GSK3A: variants seen among roughly 807,000 people sequenced by gnomAD.
The protein encoded by GSK3A is glycogen synthase kinase 3 alpha, also known as glycogen synthase kinase-3 alpha.
GSK3A carries 14 observed loss-of-function variants against 56.6 expected under a neutral mutation model. That is an observed-to-expected ratio of 0.25 (90% CI 0.16 to 0.39). GSK3A has a LOEUF of 0.39. GSK3A is among the 10% of genes least tolerant of loss of function. The pLI, the probability that GSK3A is intolerant of heterozygous loss-of-function variation, is 1.00. For synonymous variants in GSK3A, 301 were observed against 285.0 expected (o/e 1.06, Z -0.56); for missense variants, 450 against 656.0 (o/e 0.69, Z 3.43).
rs778206823 is a variant in GSK3A at position 42,236,593 on chromosome 19, C to A, written c.666+13G>T. 17 of 1,540,032 alleles carry A rather than the reference C, an allele frequency of 1.1e-5. No homozygotes were observed. The Admixed American group carries it at 2.8e-4, about 26-fold the overall frequency. On this transcript the variant is annotated intron_variant, in intron 4 of 10. Transcript: ENST00000222330. ...TGTGGGCCTGGGTCCCAGCAGCCCA[C>A]CTGCTGGCCTACCTTGACATAGAGG...
intron 7 of GSK3A, 24 bp downstream of exon 7, chr19:42,233,262 G>GGGCCCCCCC: frequency 1.9e-6 from 2 of 1,077,542 alleles, no homozygotes; most frequent in Non-Finnish European, 2.8e-6. Flanking sequence ...CCCACCCCCT[G>GGGCCCCCCC]CCCAGCCCAG....
intron 1 of GSK3A, chr19:42,240,402 C>G: frequency 1.7e-6 from 1 of 581,990 alleles, no homozygotes. Flanking sequence ...GGGTTGGCAA[C>G]CCCAAATTTC....
At chr19:42,238,136 G>C (rs971678290) in intron 2 of GSK3A, among the ~76,000 whole-genome samples, 54 of 152,096 alleles carry the variant, frequency 3.6e-4, no homozygotes, top group Non-Finnish European at 6.2e-4. Flanking sequence ...GAAATCACTT[G>C]AGGCCAGGAG....
chr19:42,240,279 A>C (rs1005261614), intron 1 of GSK3A, 137 bp from the exon 2 acceptor site: 8 of 756,694 alleles, frequency 1.1e-5, no homozygotes, highest in Admixed American at 2.0e-5. Context: ...TCTTTGAGGA[A>C]AGGTGGATGC....
At position 42,240,307 on chromosome 19, in the gene GSK3A, C is replaced by G. The variant is rs149503971; in HGVS notation, c.284-165G>C. The stretch of plus-strand genomic sequence containing the variant: ...GTGGATGCTGGGACCTTCCCAGTGA[C>G]TTTTCCCCTCTTCCTTTCTGGGAAT... On this transcript the variant is annotated intron_variant, in intron 1 of 10. Coordinates refer to ENST00000222330, the MANE Select transcript of GSK3A (RefSeq NM_019884.3). The G allele has an allele frequency of 4.2e-4, 266 of 637,378 alleles. 3 individuals carry two copies. In the African/African-American group the frequency reaches 4.4e-3, roughly 10 times the overall value. The allele number at this position is 637,378 out of a possible 1,614,324, so 39.5% of individuals were successfully genotyped here.
chr19:42,230,975 C>A (rs1420035065), intron 10 of GSK3A, 108 bp from the exon 11 acceptor site: 21 of 778,490 alleles, frequency 2.7e-5, no homozygotes, highest in Non-Finnish European at 4.3e-5. Flanking sequence ...TTAAAAGTTA[C>A]AAGCTGTTAC....
chr19:42,236,290 C>T (rs1330772092), intron 4 of GSK3A, among the ~76,000 whole-genome samples: 2 of 152,204 alleles, frequency 1.3e-5, no homozygotes, highest in Non-Finnish European at 2.9e-5. Flanking sequence ...CTGGTCCCCA[C>T]CACCCCCTTA....
intron 3 of GSK3A, 50 bp from the exon 4 acceptor site, chr19:42,236,766 G>C (rs1486972860): frequency 1.3e-6 from 2 of 1,515,788 alleles, no homozygotes; most frequent in East Asian, 2.3e-5. Context: ...GAGTGAGGAG[G>C]GGGAAGGAAG....
chr19:42,240,174 A>T (rs759945859), intron 1 of GSK3A, 32 bp from the exon 2 acceptor site: 2 of 1,597,344 alleles, frequency 1.3e-6, no homozygotes, highest in East Asian at 4.5e-5. Context: ...CGATCCACTG[A>T]CCCATCCTGC....
rs551779705 is a variant in GSK3A, at chr19:42,240,531, G to A, written c.284-389C>T. 4.6e-5 allele frequency: 17 copies of A among 370,826 alleles called. No individual in the cohort carries two copies. The South Asian group carries it at 6.1e-4, about 13-fold the overall frequency. The allele number at this position is 370,826 out of a possible 1,614,324, so 23.0% of individuals were successfully genotyped here. On this transcript the variant is annotated intron_variant, in intron 1 of 10. Transcript: ENST00000222330. ...CCTCCTATTTGGAGAAAGCTTGACC[G>A]AGCCTCTTCCACTTCAGGGAGCAGT...
intron 4 of GSK3A, among the ~76,000 whole-genome samples, chr19:42,236,154 T>C (rs1206569953): frequency 6.6e-6 from 1 of 152,346 alleles, no homozygotes; most frequent in South Asian, 2.1e-4. Context: ...GCACAGATGA[T>C]GGACGGAGAT....
chr19:42,241,216 G>A (rs571568051), intron 1 of GSK3A: 2 of 151,840 alleles, frequency 1.3e-5, no homozygotes, highest in Non-Finnish European at 2.9e-5. Flanking sequence ...GGCTGGTCTC[G>A]AACTCCTGAC....
intron 4 of GSK3A, among the ~76,000 whole-genome samples, chr19:42,236,314 C>G (rs1446777428): frequency 1.3e-5 from 2 of 152,192 alleles, no homozygotes; most frequent in South Asian, 2.1e-4. Flanking sequence ...TGAGCTAACT[C>G]CAACATCTCT....
chr19:42,234,450 C>A lies in GSK3A; in HGVS notation c.807G>T (p.Gln269His). 3 of 1,614,186 alleles carry A rather than the reference C, an allele frequency of 1.9e-6. No homozygotes were observed. The highest frequency in any genetic ancestry group is 2.5e-6 in the Non-Finnish European group (3 of 1,180,006). Residue 269 changes from glutamine (Q) to histidine (H), a missense_variant, in exon 6 of 11, where the codon CAG becomes CAT. Gln to His is a conservative substitution (Grantham distance 24, BLOSUM62 0). Coordinates refer to ENST00000222330, the MANE Select transcript of GSK3A (RefSeq NM_019884.3). This position sits in a 1 kb window ranked among gnomAD's most constrained non-coding sequence, Gnocchi z 5.7. Reference sequence around the variant, plus strand: ...AGACATTGGGCTCCCCTCGGACCAACTGCTTTGCACTGTGGGAAGAGATGG... The same window carrying A: ...AGACATTGGGCTCCCCTCGGACCAAATGCTTTGCACTGTGGGAAGAGATGG... ...LKLCDFGSAK[Q>H]LVRGEPNVSY...
chr19:42,232,002 C>T, intron 10 of GSK3A, 55 bp downstream of exon 10: 1 of 977,402 alleles, frequency 1.0e-6, no homozygotes, highest in Non-Finnish European at 1.6e-6. Context: ...GCGAACAGCC[C>T]CACCCTCTCC....
In GSK3A at chr19:42,237,833, C is replaced by T. The variant is rs541228540; in HGVS notation, c.472-892G>A. ...GGCGGAGCTTGCAGTGAGCTGAGAT[C>T]GCGCCACTGCACTCCAGCCTGGGCG... is the stretch of plus-strand genomic sequence containing the variant. On this transcript the variant is annotated intron_variant, in intron 2 of 10. Coordinates refer to ENST00000222330, the MANE Select transcript of GSK3A (RefSeq NM_019884.3). 5.2e-4 allele frequency among the ~76,000 whole-genome samples: 79 copies of T among 151,482 alleles called. 1 individual carries two copies. The South Asian group carries it at 7.5e-3, about 14-fold the overall frequency.
chr19:42,236,823 T>G, intron 3 of GSK3A, 35 bp downstream of exon 3: 1 of 1,554,120 alleles, frequency 6.4e-7, no homozygotes, highest in Non-Finnish European at 8.9e-7. Context: ...GGAAAATGGC[T>G]GGAGCAACCC....
chr19:42,239,857 A>G lies in GSK3A; in HGVS notation c.471+98T>C, dbSNP rs2036280657. ...TCTTTTCCCCCTTCTCTTCTGGCCC[A>G]TGGCTCTGAAACCCAAGCCTCCAGC... On this transcript the variant is annotated intron_variant, in intron 2 of 10. Transcript: ENST00000222330. 1.6e-5 allele frequency: 15 copies of G among 936,142 alleles called. No homozygotes were observed. The South Asian group carries it at 2.2e-4, about 14-fold the overall frequency. The allele number at this position is 936,142 out of a possible 1,614,324, so 58.0% of individuals were successfully genotyped here.
In GSK3A at chr19:42,234,509, C is replaced by T; in HGVS notation, c.797+39G>A. On this transcript the variant is annotated intron_variant, in intron 5 of 10. Transcript: ENST00000222330. This position sits in a 1 kb window ranked among gnomAD's most constrained non-coding sequence, Gnocchi z 5.7. ...ACACGTGAGGCAAGGGTTGGGGTCCCCCCTGCCTCTTCAGCCACCCAACAT... is the reference window on the plus strand; with the variant it reads ...ACACGTGAGGCAAGGGTTGGGGTCCTCCCTGCCTCTTCAGCCACCCAACAT... The T allele has an allele frequency of 6.2e-7, 1 of 1,612,592 alleles. No homozygotes were observed. The highest frequency in any genetic ancestry group is 1.1e-5 in the South Asian group (1 of 91,068).
Sources: gnomAD v4.1 joint callset for allele counts (sites outside exome capture counted in the v4.1 genomes callset) on GRCh38, gnomAD v4.1.1 for gene constraint, Gnocchi (gnomAD v3.1) non-coding constraint, MANE v1.5 for transcripts, NCBI Gene and HGNC (gene_info 2026-07-23, HGNC 2026-07-21) for gene names.